Variants in ACOT1 observed in about 807,000 individuals in gnomAD.
ACOT1 encodes acyl-CoA thioesterase 1, also known as acyl-coenzyme A thioesterase 1.
In ACOT1, 8 loss-of-function variants were observed where a neutral mutation model predicts 15.7. That is an observed-to-expected ratio of 0.51 (90% CI 0.30 to 0.92). The LOEUF (loss-of-function observed/expected upper bound fraction) is 0.92. Among genes scored for constraint, ACOT1 ranks in the 40% least tolerant of loss-of-function variants. The pLI is 0.06. For missense variants in ACOT1, 151 were observed against 539.4 expected (o/e 0.28, Z 7.13); for synonymous variants, 67 against 241.2 (o/e 0.28, Z 6.69).
At chr14:73,524,451 T>C in the ACOT1 span, among the ~76,000 whole-genome samples, 3 of 150,830 alleles carry the variant, frequency 2.0e-5, no homozygotes, top group Non-Finnish European at 4.4e-5. Context: ...TAACAAATGC[T>C]TAGATTTAAT....
chr14:73,495,163 A>G, the ACOT1 span: 1 of 1,460,598 alleles, frequency 6.8e-7, no homozygotes, highest in Non-Finnish European at 9.4e-7. Context: ...GTCCCAAAAC[A>G]TCCAGATCCT....
chr14:73,502,518 C>T, the ACOT1 span, among the ~76,000 whole-genome samples: 2 of 151,890 alleles, frequency 1.3e-5, no homozygotes, highest in Non-Finnish European at 1.5e-5. Context: ...AGGAGCTCAA[C>T]AAATGCTGGG....
chr14:73,501,967 G>C, the ACOT1 span, among the ~76,000 whole-genome samples: 1 of 150,934 alleles, frequency 6.6e-6, no homozygotes, highest in African/African-American at 2.4e-5. Context: ...GGATGGTCTC[G>C]ATCTCCTGAC....
chr14:73,516,802 A>C, the ACOT1 span, among the ~76,000 whole-genome samples: 1 of 152,204 alleles, frequency 6.6e-6, no homozygotes, highest in Admixed American at 6.5e-5. Context: ...TGTGAACTGC[A>C]CATGTGAGGG....
the ACOT1 span, among the ~76,000 whole-genome samples, chr14:73,523,393 C>G: frequency 2.6e-5 from 4 of 152,308 alleles, no homozygotes; most frequent in African/African-American, 9.6e-5. Context: ...CTAAATATTT[C>G]ATGTATCAGA....
the ACOT1 span, chr14:73,495,379 T>C: frequency 5.0e-6 from 8 of 1,613,054 alleles, no homozygotes; most frequent in Non-Finnish European, 6.8e-6. Context: ...TTTGGCTTAG[T>C]GTTTTAATCT....
the ACOT1 span, among the ~76,000 whole-genome samples, chr14:73,511,593 G>C: frequency 6.6e-6 from 1 of 150,526 alleles, no homozygotes; most frequent in African/African-American, 2.4e-5. Context: ...ATGGGCTCTT[G>C]GCTGGGCACA....
the ACOT1 span, chr14:73,506,503 GC>G: frequency 6.2e-7 from 1 of 1,613,698 alleles, no homozygotes; most frequent in African/African-American, 1.3e-5. Flanking sequence ...AGAAAGCCTG[GC>G]AGGCCACAAT....
chr14:73,501,648 A>G, the ACOT1 span, among the ~76,000 whole-genome samples: 2 of 142,508 alleles, frequency 1.4e-5, no homozygotes, highest in Middle Eastern at 4.1e-3. Flanking sequence ...ATGATGGCTC[A>G]TGACAGCTTT....
chr14:73,515,084 A>C, the ACOT1 span, among the ~76,000 whole-genome samples: 6 of 151,978 alleles, frequency 3.9e-5, no homozygotes, highest in East Asian at 1.9e-4. Context: ...AAAAAAACAA[A>C]AAAAAAACTA....
At chr14:73,522,380 AG>A in the ACOT1 span, 5 of 1,614,072 alleles carry the variant, frequency 3.1e-6, no homozygotes, top group Non-Finnish European at 4.2e-6. Context: ...CTGTTTCAGG[AG>A]CTCCAGGTCA....
chr14:73,493,133 A>G, the ACOT1 span: 7 of 1,611,856 alleles, frequency 4.3e-6, no homozygotes, highest in Non-Finnish European at 5.9e-6. Context: ...ATCTAGGTAC[A>G]AAAGGAAAAG....
chr14:73,503,394 C>G, the ACOT1 span, among the ~76,000 whole-genome samples: 1 of 152,200 alleles, frequency 6.6e-6, no homozygotes, highest in Non-Finnish European at 1.5e-5. Flanking sequence ...GCCTGGGACT[C>G]TCCTGGTTTT....
chr14:73,530,201 A>T, the ACOT1 span: 3 of 144,228 alleles, frequency 2.1e-5, 1 homozygote, highest in African/African-American at 7.5e-5. Flanking sequence ...TCCTGGAATC[A>T]AGCGATCTTC....
At chr14:73,522,134 C>G in the ACOT1 span, 1 of 923,318 alleles carries the variant, frequency 1.1e-6, no homozygotes, top group Non-Finnish European at 1.7e-6. Flanking sequence ...GCAGAGCTCT[C>G]AGAGAGCAGG....
the ACOT1 span, among the ~76,000 whole-genome samples, chr14:73,525,313 G>T: frequency 6.6e-6 from 1 of 152,182 alleles, no homozygotes; most frequent in Admixed American, 6.5e-5. Flanking sequence ...GATTACAGGT[G>T]TGAGCTACAG....
At chr14:73,520,767 A>C in the ACOT1 span, 2 of 1,300,068 alleles carry the variant, frequency 1.5e-6, no homozygotes, top group African/African-American at 2.9e-5. Flanking sequence ...GTCCATACCC[A>C]CAACTGTTTC....
chr14:73,507,151 A>G, the ACOT1 span, among the ~76,000 whole-genome samples: 1 of 152,148 alleles, frequency 6.6e-6, no homozygotes, highest in African/African-American at 2.4e-5. Flanking sequence ...ATATGCCTCA[A>G]GCTTATGACT....
At chr14:73,511,607 G>A in the ACOT1 span, among the ~76,000 whole-genome samples, 3 of 151,924 alleles carry the variant, frequency 2.0e-5, no homozygotes, top group African/African-American at 7.3e-5. Context: ...GGGCACAGTG[G>A]CTCACGCCTG....
Sources: allele counts gnomAD v4.1 joint callset (sites outside exome capture counted in the v4.1 genomes callset), GRCh38; gene constraint gnomAD v4.1.1; transcripts MANE v1.5; gene names NCBI Gene and HGNC (gene_info 2026-07-23, HGNC 2026-07-21).